The following GRIN3A variants were observed in gnomAD, a reference collection of about 807,000 sequenced individuals.
GRIN3A encodes glutamate receptor ionotropic, NMDA 3A.
In GRIN3A, 47 loss-of-function variants were observed where a neutral mutation model predicts 92.4. The ratio of observed to expected loss-of-function variants is 0.51; its 90% CI spans 0.40 to 0.65. The LOEUF is 0.65. GRIN3A is among the 30% of genes least tolerant of loss of function. The pLI, the probability that GRIN3A is intolerant of heterozygous loss-of-function variation, is 0.00. For missense variants in GRIN3A, 1,324 were observed against 1,393.1 expected (o/e 0.95, Z 0.79); for synonymous variants, 527 against 540.6 (o/e 0.97, Z 0.35).
chr9:101,628,930 T>C (rs1240037006), intron 3 of GRIN3A, among the ~76,000 whole-genome samples: 1 of 149,544 alleles, frequency 6.7e-6, no homozygotes, highest in East Asian at 1.9e-4. Context: ...TGTTCTCATC[T>C]AGGAGGGAGA....
chr9:101,703,908 T>C (rs527882987), intron 1 of GRIN3A, among the ~76,000 whole-genome samples: 33 of 152,328 alleles, frequency 2.2e-4, no homozygotes, highest in Non-Finnish European at 3.7e-4. Context: ...TACTGTCTCT[T>C]CATCAACATC....
intron 6 of GRIN3A, among the ~76,000 whole-genome samples, chr9:101,588,489 C>T (rs1827977263): frequency 6.6e-6 from 1 of 152,064 alleles, no homozygotes; most frequent in South Asian, 2.1e-4. Flanking sequence ...GCCCCCATTT[C>T]TTTTAAGCTT....
At chr9:101,736,626 G>A (rs4474083) in intron 1 of GRIN3A, among the ~76,000 whole-genome samples, 68,603 of 151,868 alleles carry the variant, frequency 0.45, 15,733 homozygotes, top group Non-Finnish European at 0.5. Context: ...AAATCTCCCC[G>A]TCCATCTTTA....
intron 1 of GRIN3A, 62 bp from the exon 2 acceptor site, chr9:101,687,262 G>A: frequency 6.4e-7 from 1 of 1,554,048 alleles, no homozygotes; most frequent in Admixed American, 1.7e-5. Flanking sequence ...TTAACATAGG[G>A]TACTTTTGCT....
intron 3 of GRIN3A, among the ~76,000 whole-genome samples, chr9:101,663,450 A>G (rs1829201709): frequency 6.6e-6 from 1 of 151,880 alleles, no homozygotes; most frequent in Non-Finnish European, 1.5e-5. Context: ...GAATGAATTA[A>G]GAAAGAATGA....
intron 1 of GRIN3A, among the ~76,000 whole-genome samples, chr9:101,724,364 A>T (rs572467621): frequency 1.8e-4 from 27 of 152,264 alleles, no homozygotes; most frequent in African/African-American, 5.1e-4. Flanking sequence ...CCGGGTGCTA[A>T]GCCCCTCATT....
At chr9:101,702,877 A>T (rs547716126) in intron 1 of GRIN3A, among the ~76,000 whole-genome samples, 34 of 152,298 alleles carry the variant, frequency 2.2e-4, no homozygotes, top group African/African-American at 7.7e-4. Flanking sequence ...AAACGAAGAA[A>T]TCAGCTTTTA....
intron 7 of GRIN3A, among the ~76,000 whole-genome samples, chr9:101,578,855 T>C (rs933964500): frequency 1.3e-5 from 2 of 152,094 alleles, no homozygotes; most frequent in Non-Finnish European, 2.9e-5. Flanking sequence ...ACGTAATAGG[T>C]TTCAATTTTG....
intron 2 of GRIN3A, among the ~76,000 whole-genome samples, chr9:101,685,374 G>A (rs1266037484): frequency 1.3e-5 from 2 of 148,350 alleles, no homozygotes; most frequent in African/African-American, 2.5e-5. Context: ...TTTTTTAAAG[G>A]TAAGAAGTTA....
Position 101,623,358 on chromosome 9 carries a change from G to A in GRIN3A, c.2574C>T (p.Asp858=). The change falls in exon 5 of 9, where the codon GAC becomes GAT. Residue 858 remains aspartate (D), a synonymous_variant. Coordinates refer to ENST00000361820, the MANE Select transcript of GRIN3A (RefSeq NM_133445.3). ...GCTTCCCCACAGTGAGAAGTTTGCA[G>A]TCAGCATCTATTGACACTTCATAAT... ...LLDYEVSIDA[D]CKLLTVGKPF... 1 of 1,613,692 alleles carries A rather than the reference G, an allele frequency of 6.2e-7. No individual in the cohort carries two copies. Among genetic ancestry groups the A allele is most frequent in the Admixed American group, 1.7e-5 (1 of 60,004 alleles).
chr9:101,683,545 C>T (rs1416039540), intron 2 of GRIN3A, among the ~76,000 whole-genome samples: 1 of 152,178 alleles, frequency 6.6e-6, no homozygotes, highest in African/African-American at 2.4e-5. Flanking sequence ...TATAAAGTCT[C>T]CTTCCTGGGT....
At chr9:101,706,087 A>G (rs1283338567) in intron 1 of GRIN3A, among the ~76,000 whole-genome samples, 1 of 152,238 alleles carries the variant, frequency 6.6e-6, no homozygotes, top group Non-Finnish European at 1.5e-5. Flanking sequence ...GAAGCGACCT[A>G]GTCTGGGGAA....
intron 8 of GRIN3A, among the ~76,000 whole-genome samples, chr9:101,577,516 A>AT (rs1564117520): frequency 6.6e-6 from 1 of 152,218 alleles, no homozygotes; most frequent in Non-Finnish European, 1.5e-5. Flanking sequence ...AACACATATC[A>AT]TAAGTCTTGG....
chr9:101,643,422 G>GA (rs1259121926), intron 3 of GRIN3A, among the ~76,000 whole-genome samples: 3 of 152,000 alleles, frequency 2.0e-5, no homozygotes, highest in Non-Finnish European at 4.4e-5. Flanking sequence ...AGGATATGGA[G>GA]AAAATGTAAC....
intron 5 of GRIN3A, among the ~76,000 whole-genome samples, chr9:101,622,029 G>T (rs950729265): frequency 6.6e-6 from 1 of 152,162 alleles, no homozygotes; most frequent in Admixed American, 6.5e-5. Context: ...CTTAATAGAA[G>T]ACCACTACTG....
chr9:101,710,925 A>G (rs1167338344), intron 1 of GRIN3A, among the ~76,000 whole-genome samples: 2 of 152,248 alleles, frequency 1.3e-5, no homozygotes, highest in East Asian at 3.8e-4. Flanking sequence ...TCATATACAT[A>G]CATATAATAA....
chr9:101,606,842 A>T (rs931509255), intron 6 of GRIN3A, among the ~76,000 whole-genome samples: 18 of 151,676 alleles, frequency 1.2e-4, no homozygotes, highest in Non-Finnish European at 2.4e-4. Context: ...TTTGCAAATA[A>T]CCGATGTCAC....
intron 6 of GRIN3A, among the ~76,000 whole-genome samples, chr9:101,596,709 G>T (rs1438516950): frequency 2.0e-5 from 3 of 152,172 alleles, no homozygotes; most frequent in African/African-American, 7.2e-5. Context: ...CCACAGTGTA[G>T]TCCAGTTTCT....
intron 3 of GRIN3A, among the ~76,000 whole-genome samples, chr9:101,643,426 A>G (rs1828892789): frequency 6.6e-6 from 1 of 152,084 alleles, no homozygotes; most frequent in African/African-American, 2.4e-5. Context: ...TATGGAGAAA[A>G]TGTAACCCTT....
Sources: gnomAD v4.1 joint callset for allele counts (sites outside exome capture counted in the v4.1 genomes callset) on GRCh38, gnomAD v4.1.1 for gene constraint, MANE v1.5 for transcripts, NCBI Gene and HGNC (gene_info 2026-07-23, HGNC 2026-07-21) for gene names.